Variants in SCN9A observed in about 807,000 individuals in gnomAD.
SCN9A encodes the protein sodium voltage-gated channel alpha subunit 9, also known as sodium channel protein type 9 subunit alpha.
Under a neutral mutation model 187.0 loss-of-function variants are expected in SCN9A, and 131 were observed. The observed-to-expected ratio is 0.70, with a 90% CI of 0.61 to 0.81. The LOEUF (loss-of-function observed/expected upper bound fraction) is 0.81. SCN9A is among the 30% of genes least tolerant of loss of function. SCN9A has a pLI of 0.00. For synonymous variants in SCN9A, 809 were observed against 808.6 expected (o/e 1.00, Z -0.01); for missense variants, 2,252 against 2,396.6 (o/e 0.94, Z 1.26).
intron 17 of SCN9A, among the ~76,000 whole-genome samples, chr2:166,270,546 T>C (rs1162530927): frequency 6.6e-6 from 1 of 152,034 alleles, no homozygotes; most frequent in African/African-American, 2.4e-5. Flanking sequence ...ATTTAATCAT[T>C]TATTCACTCA....
At chr2:166,221,230 T>C (rs560553660) in intron 24 of SCN9A, among the ~76,000 whole-genome samples, 1 of 152,310 alleles carries the variant, frequency 6.6e-6, no homozygotes, top group Non-Finnish European at 1.5e-5. Context: ...ATGCCCATAC[T>C]ACCCTAAGTG....
At chr2:166,304,986 T>C (rs1362565214) in intron 5 of SCN9A, among the ~76,000 whole-genome samples, 6 of 152,100 alleles carry the variant, frequency 3.9e-5, no homozygotes, top group Admixed American at 3.9e-4. Flanking sequence ...AATGTTTTCT[T>C]AGCAGCAGGT....
Position 166,311,590 on chromosome 2 carries a change from C to T in SCN9A, c.167G>A (p.Gly56Asp), listed in dbSNP as rs767568953. 5.0e-6 allele frequency: 8 copies of T among 1,613,182 alleles called. No individual in the cohort carries two copies. Among genetic ancestry groups the T allele is most frequent in the East Asian group, 2.2e-5 (1 of 44,792 alleles). ...CCCATAGATGAAGGGCAGCTGTTTG[C>T]CAGCTTCCAAGTCACTGCTTGGCTT... Reference protein sequence around the residue: ...APKPSSDLEAGKQLPFIYGDI... With the variant: ...APKPSSDLEADKQLPFIYGDI... Residue 56 changes from glycine (G) to aspartate (D), a missense_variant, in exon 2 of 27, where the codon GGC becomes GAC. By Grantham distance (94) the Gly-to-Asp change is moderately conservative. Coordinates refer to ENST00000642356, the MANE Select transcript of SCN9A (RefSeq NM_001365536.1).
At chr2:166,258,523 C>T (rs1020376425) in intron 17 of SCN9A, among the ~76,000 whole-genome samples, 1 of 151,458 alleles carries the variant, frequency 6.6e-6, no homozygotes, top group Admixed American at 6.6e-5. Flanking sequence ...CAAATAAAAT[C>T]AAATGTTAAT....
intron 7 of SCN9A, among the ~76,000 whole-genome samples, chr2:166,297,026 T>C (rs7594745): frequency 0.38 from 56,869 of 149,924 alleles, 10,843 homozygotes; most frequent in Non-Finnish European, 0.4. Flanking sequence ...TGAAACCCCG[T>C]CTCTACTAAA....
Position 166,294,641 on chromosome 2 carries a change from C to G in SCN9A, c.923G>C (p.Gly308Ala). 1 of 1,608,272 alleles carries G rather than the reference C, an allele frequency of 6.2e-7. No individual in the cohort carries two copies. The highest frequency in any genetic ancestry group is 1.1e-5 in the South Asian group (1 of 89,884). The change falls in exon 8 of 27, where the codon GGA becomes GCA. Residue 308 changes from glycine to alanine, a missense_variant. Gly to Ala is a moderately conservative substitution (Grantham distance 60). Around this residue, in one of 7 missense-constraint regions of SCN9A, gnomAD observed 1,013 missense variants for 997.4 expected, o/e 1.02. Transcript: ENST00000642356. ...ACCACAAAGGAGAGCATCTTTGGAT[C>G]CTTCCAAGTAATAAAAATATTCTGT... ...DFRKYFYYLE[G>A]SKDALLCGFS...
At chr2:166,215,755 C>A (rs1574732545) in intron 24 of SCN9A, among the ~76,000 whole-genome samples, 5 of 99,466 alleles carry the variant, frequency 5.0e-5, no homozygotes, top group South Asian at 3.2e-4. Flanking sequence ...GAAAATAGAT[C>A]AGTAATAAAT....
At chr2:166,228,648 A>G (rs1574760929) in intron 22 of SCN9A, 43 bp downstream of exon 22, 2 of 1,462,428 alleles carry the variant, frequency 1.4e-6, no homozygotes, top group East Asian at 2.3e-5. Context: ...CCTTCGTCCA[A>G]TATCTATTAA....
At chr2:166,201,713 G>A (rs1693544700) in intron 26 of SCN9A, among the ~76,000 whole-genome samples, 1 of 150,232 alleles carries the variant, frequency 6.7e-6, no homozygotes, top group African/African-American at 2.4e-5. Context: ...GTGTGTATGT[G>A]TATATATATA....
chr2:166,231,018 T>C (rs978400095), intron 21 of SCN9A, among the ~76,000 whole-genome samples: 1 of 152,176 alleles, frequency 6.6e-6, no homozygotes, highest in Non-Finnish European at 1.5e-5. Flanking sequence ...AATGTCTCTT[T>C]TTGCATGGTT....
At chr2:166,330,524 G>A (rs1332387191) in intron 1 of SCN9A, among the ~76,000 whole-genome samples, 1 of 152,110 alleles carries the variant, frequency 6.6e-6, no homozygotes, top group Non-Finnish European at 1.5e-5. Context: ...ATATTCCAGT[G>A]TATATTACCA....
At chr2:166,342,655 C>T (rs1190989423) in intron 1 of SCN9A, among the ~76,000 whole-genome samples, 1 of 151,402 alleles carries the variant, frequency 6.6e-6, no homozygotes, top group Non-Finnish European at 1.5e-5. Context: ...AATTTATATG[C>T]TTGCTAAATT....
chr2:166,370,231 T>TC (rs58159440), intron 1 of SCN9A, among the ~76,000 whole-genome samples: 4,994 of 146,996 alleles, frequency 0.034, 102 homozygotes, highest in African/African-American at 0.054. Flanking sequence ...ATAATAATAA[T>TC]AATAATCATC....
intron 17 of SCN9A, among the ~76,000 whole-genome samples, chr2:166,270,687 C>T (rs4358134): frequency 4.7e-5 from 7 of 150,414 alleles, no homozygotes; most frequent in South Asian, 2.1e-4. Flanking sequence ...TGCAGCGGTG[C>T]GATCTTGGCT....
At chr2:166,341,229 A>C (rs1045587808) in intron 1 of SCN9A, among the ~76,000 whole-genome samples, 1 of 152,246 alleles carries the variant, frequency 6.6e-6, no homozygotes, top group Non-Finnish European at 1.5e-5. Context: ...AGACATATCT[A>C]TATAATGACA....
chr2:166,272,092 A>C (rs950695067), intron 17 of SCN9A, among the ~76,000 whole-genome samples: 1 of 152,048 alleles, frequency 6.6e-6, no homozygotes, highest in Non-Finnish European at 1.5e-5. Context: ...GTGGATTCAA[A>C]CAGGCACTGT....
chr2:166,219,390 C>CA (rs201383256), intron 24 of SCN9A, among the ~76,000 whole-genome samples: 3,199 of 149,608 alleles, frequency 0.021, 121 homozygotes, highest in African/African-American at 0.074. Context: ...TGCAGCCATT[C>CA]AAAAAAAAAC....
chr2:166,220,861 AG>A (rs201923401), intron 24 of SCN9A, among the ~76,000 whole-genome samples: 4,475 of 152,304 alleles, frequency 0.029, 469 homozygotes, highest in Admixed American at 0.2. Context: ...CCAATCTGAA[AG>A]AAAAAAGTGT....
At chr2:166,292,283 A>C (rs2106501140) in intron 9 of SCN9A, among the ~76,000 whole-genome samples, 1 of 152,262 alleles carries the variant, frequency 6.6e-6, no homozygotes, top group South Asian at 2.1e-4. Flanking sequence ...CATACAAAGC[A>C]TTTTAAAGTG....
Sources: gnomAD v4.1 joint callset for allele counts (sites outside exome capture counted in the v4.1 genomes callset) on GRCh38, gnomAD v4.1.1 for gene constraint, gnomAD v4.1.1 regional missense constraint, MANE v1.5 for transcripts, NCBI Gene and HGNC (gene_info 2026-07-23, HGNC 2026-07-21) for gene names.